PLCB4: variants seen among roughly 807,000 people sequenced by gnomAD.
PLCB4 encodes the protein phospholipase C beta 4.
PLCB4 carries 77 observed loss-of-function variants against 178.8 expected under a neutral mutation model. The ratio of observed to expected loss-of-function variants is 0.43; its 90% confidence interval spans 0.36 to 0.52. The LOEUF (loss-of-function observed/expected upper bound fraction) is 0.52. Ranked by LOEUF, PLCB4 falls within the 20% of genes least tolerant of loss-of-function variation. PLCB4 has a pLI of 0.00. For missense variants in PLCB4, 1,024 were observed against 1,453.4 expected (o/e 0.70, Z 4.80); for synonymous variants, 496 against 490.8 (o/e 1.01, Z -0.14).
intron 36 of PLCB4, 34 bp downstream of exon 36, chr20:9,468,706 C>T: frequency 1.6e-6 from 2 of 1,217,350 alleles, no homozygotes. Flanking sequence ...AGGAATATGG[C>T]ATTGACTTGA....
At chr20:9,359,616 G>T (rs1602092226) in intron 7 of PLCB4, among the ~76,000 whole-genome samples, 1 of 152,192 alleles carries the variant, frequency 6.6e-6, no homozygotes, top group African/African-American at 2.4e-5. Context: ...CTTCGGCTTG[G>T]GGTGGCCGGA....
intron 2 of PLCB4, among the ~76,000 whole-genome samples, chr20:9,110,986 C>T (rs2091555134): frequency 2.0e-5 from 3 of 152,024 alleles, no homozygotes; most frequent in Non-Finnish European, 4.4e-5. Context: ...AGCAGGTATT[C>T]AATTTATTAT....
At chr20:9,378,974 T>C (rs74666738) in intron 12 of PLCB4, among the ~76,000 whole-genome samples, 3,042 of 152,292 alleles carry the variant, frequency 0.02, 107 homozygotes, top group African/African-American at 0.067. Context: ...TTTCCAACAA[T>C]GTTTTTCAGT....
intron 12 of PLCB4, among the ~76,000 whole-genome samples, chr20:9,376,092 A>G (rs1445886122): frequency 6.6e-6 from 1 of 152,036 alleles, no homozygotes; most frequent in Admixed American, 6.6e-5. Context: ...TATCCATGCA[A>G]TCAACACTGA....
chr20:9,112,780 C>T (rs1403119074), intron 2 of PLCB4, among the ~76,000 whole-genome samples: 1 of 152,096 alleles, frequency 6.6e-6, no homozygotes, highest in Non-Finnish European at 1.5e-5. Flanking sequence ...ATAATGTGTA[C>T]TTTTGGCCTG....
intron 1 of PLCB4, among the ~76,000 whole-genome samples, chr20:9,087,621 A>G (rs2090492121): frequency 6.6e-6 from 1 of 152,186 alleles, no homozygotes; most frequent in African/African-American, 2.4e-5. Flanking sequence ...AAGAAAAGGA[A>G]TTCCTGGTTT....
chr20:9,473,650 AAAG>A (rs1353374366), intron 38 of PLCB4, among the ~76,000 whole-genome samples: 1 of 152,242 alleles, frequency 6.6e-6, no homozygotes. Flanking sequence ...AGGATGAAAA[AAAG>A]AGATTACGAA....
intron 2 of PLCB4, among the ~76,000 whole-genome samples, chr20:9,159,872 G>A (rs191885859): frequency 4.6e-5 from 7 of 152,282 alleles, no homozygotes; most frequent in African/African-American, 1.7e-4. Context: ...ATTAACTGTG[G>A]CTTGCATGGA....
intron 2 of PLCB4, among the ~76,000 whole-genome samples, chr20:9,194,650 G>GCCACTGCA (rs2093446636): frequency 1.5e-5 from 2 of 131,862 alleles, no homozygotes; most frequent in African/African-American, 5.9e-5. Context: ...TGGAGATTGC[G>GCCACTGCA]CCACTGCACT....
intron 3 of PLCB4, among the ~76,000 whole-genome samples, chr20:9,280,780 T>C (rs979501891): frequency 2.0e-5 from 3 of 151,878 alleles, no homozygotes; most frequent in African/African-American, 7.2e-5. Context: ...TAAATCCAGC[T>C]ATTAAATCCA....
chr20:9,389,634 G>A (rs764084112), intron 15 of PLCB4, among the ~76,000 whole-genome samples: 2 of 152,176 alleles, frequency 1.3e-5, no homozygotes, highest in Non-Finnish European at 2.9e-5. Context: ...TCTCTTGTAA[G>A]TTAATAGCAC....
intron 1 of PLCB4, among the ~76,000 whole-genome samples, chr20:9,090,562 G>A (rs139958131): frequency 3.3e-5 from 5 of 149,672 alleles, no homozygotes; most frequent in Non-Finnish European, 5.9e-5. Context: ...TGGTAGAAGT[G>A]AGGACTTGCA....
At chr20:9,118,973 G>A (rs922736478) in intron 2 of PLCB4, among the ~76,000 whole-genome samples, 1 of 152,112 alleles carries the variant, frequency 6.6e-6, no homozygotes, top group Non-Finnish European at 1.5e-5. Context: ...TAAGATATCG[G>A]AAGTCTGGTG....
At chr20:9,214,217 G>A (rs2093703510) in intron 2 of PLCB4, among the ~76,000 whole-genome samples, 4 of 152,120 alleles carry the variant, frequency 2.6e-5, no homozygotes, top group African/African-American at 9.7e-5. Context: ...AGATCACAAA[G>A]ATTTACTCCT....
At chr20:9,422,319 A>C (rs748523767) in intron 27 of PLCB4, among the ~76,000 whole-genome samples, 1 of 152,216 alleles carries the variant, frequency 6.6e-6, no homozygotes, top group Admixed American at 6.5e-5. Context: ...AGGGAGATCA[A>C]TGTAGGTTTG....
chr20:9,142,325 G>C (rs918375998), intron 2 of PLCB4, among the ~76,000 whole-genome samples: 5 of 152,064 alleles, frequency 3.3e-5, no homozygotes, highest in African/African-American at 9.7e-5. Flanking sequence ...TTGAATCTGG[G>C]AAAATTATTT....
chr20:9,268,650 G>A (rs748241322), intron 3 of PLCB4, among the ~76,000 whole-genome samples: 1 of 152,090 alleles, frequency 6.6e-6, no homozygotes, highest in East Asian at 1.9e-4. Context: ...CATACAAGGG[G>A]GACGATGTTA....
intron 30 of PLCB4, among the ~76,000 whole-genome samples, chr20:9,437,994 C>T (rs11696813): frequency 0.083 from 12,574 of 152,018 alleles, 575 homozygotes; most frequent in Middle Eastern, 0.13. Flanking sequence ...GGAAGTAAAG[C>T]GCTGTTTAAT....
intron 2 of PLCB4, among the ~76,000 whole-genome samples, chr20:9,101,685 A>G (rs1421246246): frequency 6.6e-6 from 1 of 152,118 alleles, no homozygotes; most frequent in Non-Finnish European, 1.5e-5. Context: ...ATGTGGAATC[A>G]TCTTCTTGCA....
Sources: allele counts gnomAD v4.1 joint callset (sites outside exome capture counted in the v4.1 genomes callset), GRCh38; gene constraint gnomAD v4.1.1; transcripts MANE v1.5; gene names NCBI Gene and HGNC (gene_info 2026-07-23, HGNC 2026-07-21).